UNC13C: variants seen among roughly 807,000 people sequenced by gnomAD.
The protein encoded by UNC13C is unc-13 homolog C.
UNC13C carries 174 observed loss-of-function variants against 245.4 expected under a neutral mutation model. The observed-to-expected ratio is 0.71, with a 90% confidence interval of 0.63 to 0.80. The LOEUF (loss-of-function observed/expected upper bound fraction) is 0.80, where lower values mean the gene tolerates loss of function less well. UNC13C is among the 30% of genes least tolerant of loss of function. The pLI is 0.00. For missense variants in UNC13C, 2,829 were observed against 2,602.9 expected (o/e 1.09, Z -1.89); for synonymous variants, 992 against 895.1 (o/e 1.11, Z -1.93).
intron 2 of UNC13C, among the ~76,000 whole-genome samples, chr15:54,116,535 T>C (rs2030261097): frequency 2.0e-5 from 3 of 152,302 alleles, no homozygotes; most frequent in South Asian, 4.1e-4. Context: ...AATATTTGTC[T>C]TTCTGTGCTT....
chr15:53,848,588 A>G, the UNC13C span, among the ~76,000 whole-genome samples: 15 of 152,140 alleles, frequency 9.9e-5, no homozygotes, highest in Non-Finnish European at 2.1e-4. Flanking sequence ...AAAAGAAACT[A>G]TATTTGTCAG....
chr15:54,532,865 G>C, intron 25 of UNC13C, 52 bp from the exon 26 acceptor site: 1 of 1,250,712 alleles, frequency 8.0e-7, no homozygotes, highest in Non-Finnish European at 1.1e-6. Flanking sequence ...ATTGGAACAG[G>C]CTCAGGCAAA....
At position 54,323,146 on chromosome 15, in the gene UNC13C, A is replaced by G. The variant is rs572485460; in HGVS notation, c.4425+1051A>G. ...ACAGAGTATATTGTTTAGAAATCAAATTTTGAGTTATGTGTCATAGAAAAG... is the reference window on the plus strand; with the variant it reads ...ACAGAGTATATTGTTTAGAAATCAAGTTTTGAGTTATGTGTCATAGAAAAG... On this transcript the variant is annotated intron_variant, in intron 14 of 32. Coordinates refer to ENST00000260323, the MANE Select transcript of UNC13C (RefSeq NM_001080534.3). 3.9e-5 allele frequency among the ~76,000 whole-genome samples: 6 copies of G among 152,070 alleles called. No individual in the cohort carries two copies. The South Asian group carries it at 1.2e-3, about 32-fold the overall frequency.
intron 17 of UNC13C, among the ~76,000 whole-genome samples, chr15:54,381,326 G>A (rs909217110): frequency 4.6e-5 from 7 of 152,052 alleles, no homozygotes; most frequent in African/African-American, 1.4e-4. Flanking sequence ...TTTTATATTA[G>A]CACCATACTG....
At chr15:53,941,604 AC>A in the UNC13C span, among the ~76,000 whole-genome samples, 3 of 152,178 alleles carry the variant, frequency 2.0e-5, no homozygotes, top group African/African-American at 2.4e-5. Flanking sequence ...CAAGAAAAAA[AC>A]AATCCCATTA....
At chr15:54,156,226 C>T (rs1433780895) in intron 4 of UNC13C, among the ~76,000 whole-genome samples, 2 of 152,124 alleles carry the variant, frequency 1.3e-5, no homozygotes, top group South Asian at 2.1e-4. Context: ...AGCAGGTGCA[C>T]TCAGGCATAG....
chr15:54,334,825 A>C (rs1426004282), intron 16 of UNC13C, among the ~76,000 whole-genome samples: 3 of 152,152 alleles, frequency 2.0e-5, no homozygotes, highest in African/African-American at 7.2e-5. Flanking sequence ...TGCCATTGAC[A>C]CTGAGGAGTG....
rs74016641 is a variant in UNC13C, at chr15:54,516,453, C to A, written c.5457+4623C>A. On this transcript the variant is annotated intron_variant, in intron 24 of 32. Transcript: ENST00000260323. Reference sequence around the variant, plus strand: ...GCATTTCTAACGAATCTCTGGGTGACGCTGATGCTACTGGTCTGGGGACCA... The same window carrying A: ...GCATTTCTAACGAATCTCTGGGTGAAGCTGATGCTACTGGTCTGGGGACCA... Among the ~76,000 whole-genome samples, 17 of 152,194 alleles carry A rather than the reference C, an allele frequency of 1.1e-4. No individual in the cohort carries two copies. The East Asian group carries it at 3.1e-3, about 28-fold the overall frequency.
At chr15:54,086,852 C>T (rs1239686663) in intron 2 of UNC13C, among the ~76,000 whole-genome samples, 1 of 147,346 alleles carries the variant, frequency 6.8e-6, no homozygotes, top group Admixed American at 7.0e-5. Flanking sequence ...TCTCCTGCCT[C>T]AGCCTCCAGA....
At chr15:54,144,807 A>G (rs1462859597) in intron 4 of UNC13C, among the ~76,000 whole-genome samples, 2 of 152,208 alleles carry the variant, frequency 1.3e-5, no homozygotes, top group African/African-American at 4.8e-5. Flanking sequence ...TTATGACATA[A>G]TTATAGATAC....
At chr15:54,286,717 G>T (rs893591305) in intron 10 of UNC13C, among the ~76,000 whole-genome samples, 1 of 152,142 alleles carries the variant, frequency 6.6e-6, no homozygotes, top group Non-Finnish European at 1.5e-5. Context: ...TAGTCATTTT[G>T]ATGACTGCCA....
intron 14 of UNC13C, among the ~76,000 whole-genome samples, chr15:54,328,469 A>C (rs912414169): frequency 6.6e-6 from 1 of 152,098 alleles, no homozygotes; most frequent in Admixed American, 6.6e-5. Context: ...CTAAGATAGC[A>C]TGAATACATA....
chr15:54,203,471 T>A (rs961676809), intron 4 of UNC13C, among the ~76,000 whole-genome samples: 1 of 73,316 alleles, frequency 1.4e-5, no homozygotes, highest in Admixed American at 1.6e-4. Context: ...AGTGTGTGTG[T>A]ATATGTGTGT....
chr15:54,431,682 T>TA (rs1203806804), intron 19 of UNC13C, among the ~76,000 whole-genome samples: 6 of 151,790 alleles, frequency 4.0e-5, no homozygotes, highest in Non-Finnish European at 7.4e-5. Flanking sequence ...CTTTCTTTGG[T>TA]AAAAAACTTC....
chr15:54,347,356 G>A (rs894348923), intron 17 of UNC13C, among the ~76,000 whole-genome samples: 4 of 152,130 alleles, frequency 2.6e-5, no homozygotes, highest in Admixed American at 6.5e-5. Context: ...TCCACAAGAA[G>A]ATGTCAAAAA....
intron 4 of UNC13C, among the ~76,000 whole-genome samples, chr15:54,145,367 ATATG>A (rs1161283770): frequency 1.3e-5 from 2 of 152,168 alleles, no homozygotes; most frequent in Non-Finnish European, 2.9e-5. Context: ...AAATTAATAT[ATATG>A]TATCGTTTTT....
chr15:54,121,792 T>C (rs2141195561), intron 2 of UNC13C, among the ~76,000 whole-genome samples: 1 of 152,180 alleles, frequency 6.6e-6, no homozygotes, highest in Admixed American at 6.5e-5. Flanking sequence ...TTTGTCAGTT[T>C]ATTCATGTAT....
chr15:54,509,076 G>C (rs8042609), intron 23 of UNC13C, among the ~76,000 whole-genome samples: 3 of 152,154 alleles, frequency 2.0e-5, no homozygotes, highest in Non-Finnish European at 2.9e-5. Flanking sequence ...GCGTGCACCT[G>C]TAATCCAAGC....
intron 4 of UNC13C, among the ~76,000 whole-genome samples, chr15:54,172,502 TA>T (rs2141286258): frequency 6.6e-6 from 1 of 151,544 alleles, no homozygotes; most frequent in African/African-American, 2.4e-5. Flanking sequence ...TTGAATGTAT[TA>T]GTAATTTGTG....
Sources: gnomAD v4.1 joint callset for allele counts (sites outside exome capture counted in the v4.1 genomes callset) on GRCh38, gnomAD v4.1.1 for gene constraint, MANE v1.5 for transcripts, NCBI Gene and HGNC (gene_info 2026-07-23, HGNC 2026-07-21) for gene names.